ASL: variants seen among roughly 807,000 people sequenced by gnomAD.
ASL encodes the protein argininosuccinate lyase, also known as argininosuccinase.
A neutral mutation model predicts 69.1 loss-of-function variants in ASL; 51 were observed. The observed-to-expected ratio is 0.74, with a 90% CI of 0.59 to 0.93. The LOEUF is 0.93. ASL is among the 40% of genes least tolerant of loss of function. The probability of loss-of-function intolerance (pLI) is 0.00; values close to 1 mark genes in which losing one functional copy is unlikely to be tolerated. For missense variants in ASL, 540 were observed against 623.9 expected (o/e 0.87, Z 1.43); for synonymous variants, 241 against 247.6 (o/e 0.97, Z 0.25).
At chr7:66,087,499 A>T in intron 9 of ASL, 113 bp downstream of exon 9, 1 of 1,354,316 alleles carries the variant, frequency 7.4e-7, no homozygotes, top group Non-Finnish European at 1.0e-6. Flanking sequence ...TGAAACCTTC[A>T]TTCATTGCCT....
chr7:66,086,844 G>A (rs370394550), intron 8 of ASL, 23 bp downstream of exon 8: 34 of 1,558,206 alleles, frequency 2.2e-5, no homozygotes, highest in Middle Eastern at 3.3e-4. Context: ...CCAGTGCCCC[G>A]AGGGCCTGGT....
intron 6 of ASL, among the ~76,000 whole-genome samples, chr7:66,085,572 A>G (rs1786636961): frequency 1.3e-5 from 2 of 151,550 alleles, no homozygotes; most frequent in Admixed American, 1.3e-4. Context: ...TGAAACCAGG[A>G]GTTTCAGACC....
intron 9 of ASL, 132 bp downstream of exon 9, chr7:66,087,518 T>A: frequency 8.4e-7 from 1 of 1,189,776 alleles, no homozygotes; most frequent in Non-Finnish European, 1.2e-6. Flanking sequence ...CTATGGGCAC[T>A]GAGGTCATCA....
At chr7:66,077,970 C>T (rs1786395927) in intron 2 of ASL, among the ~76,000 whole-genome samples, 2 of 152,134 alleles carry the variant, frequency 1.3e-5, no homozygotes, top group African/African-American at 2.4e-5. Flanking sequence ...GTGGGGTCCT[C>T]TTATGCCTGC....
intron 6 of ASL, among the ~76,000 whole-genome samples, chr7:66,085,382 G>GA (rs1786629903): frequency 6.6e-6 from 1 of 152,136 alleles, no homozygotes; most frequent in Non-Finnish European, 1.5e-5. Flanking sequence ...GGAGGCAGGA[G>GA]AATCTCTTGG....
intron 14 of ASL, 39 bp from the exon 15 acceptor site, chr7:66,091,967 G>A (rs1003974797): frequency 1.9e-5 from 31 of 1,610,272 alleles, no homozygotes; most frequent in Non-Finnish European, 2.5e-5. Context: ...CAGATCCCAG[G>A]GTCCCCAGGG....
chr7:66,092,520 A>G (rs186292667), intron 15 of ASL, 37 bp from the exon 16 acceptor site: 69 of 1,583,906 alleles, frequency 4.4e-5, no homozygotes, highest in Non-Finnish European at 5.4e-5. Context: ...GGCATGGAGA[A>G]ACCTGCCTCA....
chr7:66,090,054 A>G (rs995435642), intron 14 of ASL, among the ~76,000 whole-genome samples: 2 of 152,190 alleles, frequency 1.3e-5, no homozygotes, highest in African/African-American at 2.4e-5. Context: ...CCTGGCCAAC[A>G]TGGCGTAACC....
intron 2 of ASL, among the ~76,000 whole-genome samples, chr7:66,081,467 C>T (rs1009873399): frequency 6.6e-6 from 1 of 151,982 alleles, no homozygotes; most frequent in Non-Finnish European, 1.5e-5. Flanking sequence ...GTAATCCCAG[C>T]TACTTGGGAG....
chr7:66,086,463 T>G (rs753159526), intron 6 of ASL, 122 bp from the exon 7 acceptor site: 17 of 1,023,234 alleles, frequency 1.7e-5, no homozygotes, highest in Admixed American at 1.3e-4. Flanking sequence ...AGATCCCTCA[T>G]TCAGGTGGAG....
At chr7:66,088,735 C>T in intron 10 of ASL, 72 bp from the exon 11 acceptor site, 1 of 1,350,820 alleles carries the variant, frequency 7.4e-7, no homozygotes, top group Non-Finnish European at 1.0e-6. Flanking sequence ...CGCCTAACCT[C>T]CTCCTGCCCC....
chr7:66,088,874 C>G lies in ASL; in HGVS notation c.786C>G (p.Leu262=), dbSNP rs1786750045. Residue 262 remains leucine (L), a synonymous_variant, in exon 11 of 17, where the codon CTC becomes CTG. Coordinates refer to ENST00000304874, the MANE Select transcript of ASL (RefSeq NM_000048.4). ...HLSRMAEDLI[L]YCTKEFSFVQ... ...GCAGGATGGCCGAGGACCTCATCCT[C>G]TACTGCACCAAGGAATTCAGCTTCG... 1 of 1,614,084 alleles carries G rather than the reference C, an allele frequency of 6.2e-7. No homozygotes were observed. The highest frequency in any genetic ancestry group is 1.7e-5 in the Admixed American group (1 of 59,996).
intron 2 of ASL, among the ~76,000 whole-genome samples, chr7:66,077,957 C>T (rs1161803485): frequency 2.0e-5 from 3 of 152,076 alleles, no homozygotes; most frequent in Non-Finnish European, 4.4e-5. Flanking sequence ...CTCTGATCTC[C>T]CTGTGGGGTC....
rs1187108483 is a variant in ASL, at chr7:66,089,131, A to G, written c.874A>G (p.Ser292Gly). 1.9e-6 allele frequency: 3 copies of G among 1,613,394 alleles called. No homozygotes were observed. Among genetic ancestry groups the G allele is most frequent in the Admixed American group, 3.3e-5 (2 of 59,988 alleles). ...SLMPQKKNPD[S>G]LELIRSKAGR... is the part of the protein sequence containing the mutation. ...GATGCCCCAGAAGAAAAACCCCGACAGTTTGGAGCTGATCCGGAGCAAGGC... is the reference window on the plus strand; with the variant it reads ...GATGCCCCAGAAGAAAAACCCCGACGGTTTGGAGCTGATCCGGAGCAAGGC... Residue 292 changes from serine (S) to glycine (G), a missense_variant, in exon 12 of 17, where the codon AGT becomes GGT. Coordinates refer to ENST00000304874, the MANE Select transcript of ASL (RefSeq NM_000048.4).
At chr7:66,089,783 G>A in intron 14 of ASL, 88 bp downstream of exon 14, 1 of 1,453,250 alleles carries the variant, frequency 6.9e-7, no homozygotes, top group Non-Finnish European at 9.4e-7. Flanking sequence ...AGGAGGTGAG[G>A]TGGGGCTGGA....
chr7:66,076,022 C>A lies in ASL; in HGVS notation c.-43-17C>A. 1 of 1,568,334 alleles carries A rather than the reference C, an allele frequency of 6.4e-7. No individual in the cohort carries two copies. Among genetic ancestry groups the A allele is most frequent in the Middle Eastern group, 1.7e-4 (1 of 5,860 alleles). On this transcript the variant is annotated splice_polypyrimidine_tract_variant and intron_variant, in intron 1 of 16. Coordinates refer to ENST00000304874, the MANE Select transcript of ASL (RefSeq NM_000048.4). ...CCTGCTGGCCAAGGAGGTCGTCAGT[C>A]CGGTCTTGTCTTCCAGACCCGGAGG...
chr7:66,082,619 G>A (rs557383201), intron 4 of ASL, among the ~76,000 whole-genome samples, 168 bp downstream of exon 4: 2 of 152,144 alleles, frequency 1.3e-5, no homozygotes, highest in African/African-American at 4.8e-5. Flanking sequence ...CTAGCACTTT[G>A]GGAGGCTGAG....
At chr7:66,083,264 G>A in intron 6 of ASL, 90 bp downstream of exon 6, 2 of 1,419,372 alleles carry the variant, frequency 1.4e-6, no homozygotes, top group Non-Finnish European at 1.9e-6. Flanking sequence ...ACAGCGTGGG[G>A]GTGCCAGGCC....
intron 8 of ASL, 138 bp from the exon 9 acceptor site, chr7:66,087,196 C>T: frequency 1.0e-6 from 1 of 992,598 alleles, no homozygotes; most frequent in South Asian, 1.3e-5. Flanking sequence ...GGCTAAGCGC[C>T]AGGTGGTTGC....
Sources: allele counts gnomAD v4.1 joint callset (sites outside exome capture counted in the v4.1 genomes callset), GRCh38; gene constraint gnomAD v4.1.1; transcripts MANE v1.5; gene names NCBI Gene and HGNC (gene_info 2026-07-23, HGNC 2026-07-21).